The following ADA2 variants were observed in gnomAD, a reference collection of about 807,000 sequenced individuals.
ADA2 encodes the protein adenosine deaminase 2, also known as adenosine deaminase CECR1.
ADA2 carries 29 observed loss-of-function variants against 44.2 expected under a neutral mutation model. The observed-to-expected ratio is 0.66, with a 90% CI of 0.49 to 0.89. The LOEUF (loss-of-function observed/expected upper bound fraction) is 0.89. ADA2 is among the 40% of genes least tolerant of loss of function. ADA2 has a pLI of 0.00. For synonymous variants in ADA2, 215 were observed against 234.9 expected (o/e 0.92, Z 0.77); for missense variants, 637 against 644.8 (o/e 0.99, Z 0.13).
At chr22:17,206,473 G>A (rs1259841321) in intron 3 of ADA2, among the ~76,000 whole-genome samples, 1 of 151,980 alleles carries the variant, frequency 6.6e-6, no homozygotes, top group Non-Finnish European at 1.5e-5. Flanking sequence ...GCAAGACCCT[G>A]TCTCAAATAA....
At chr22:17,192,999 C>T (rs939276506) in intron 4 of ADA2, 6 of 635,948 alleles carry the variant, frequency 9.4e-6, no homozygotes, top group East Asian at 3.0e-5. Flanking sequence ...CAAAATTAAC[C>T]GTAACTGGCG....
At chr22:17,184,114 C>T (rs1470933644) in intron 7 of ADA2, among the ~76,000 whole-genome samples, 1 of 151,304 alleles carries the variant, frequency 6.6e-6, no homozygotes, top group Non-Finnish European at 1.5e-5. Context: ...CGCCCGCCAC[C>T]ACACCCAGCT....
chr22:17,208,838 A>ATTTTTTTTTTTTTTTTTTTTTTTTTT (rs796662081), intron 2 of ADA2, among the ~76,000 whole-genome samples: 1 of 142,910 alleles, frequency 7.0e-6, no homozygotes, highest in African/African-American at 2.6e-5. Flanking sequence ...AAAAATTAAC[A>ATTTTTTTTTTTTTTTTTTTTTTTTTT]TTTTTTGGGG....
upstream of ADA2, among the ~76,000 whole-genome samples, chr22:17,221,295 GT>G (rs5844299): frequency 0.41 from 62,116 of 151,494 alleles, 13,387 homozygotes; most frequent in East Asian, 0.76. Flanking sequence ...TTTTTTGTGG[GT>G]TTTTTTTATA....
At chr22:17,188,247 C>T (rs1279544324) in intron 7 of ADA2, 92 bp downstream of exon 7, 13 of 852,738 alleles carry the variant, frequency 1.5e-5, no homozygotes, top group Middle Eastern at 3.2e-4. Context: ...TCTGGAAACG[C>T]CTGTAGGCTC....
At chr22:17,215,605 C>CA (rs759504282) in intron 1 of ADA2, among the ~76,000 whole-genome samples, 12,906 of 124,222 alleles carry the variant, frequency 0.1, 1,573 homozygotes, top group African/African-American at 0.31. Flanking sequence ...GACTCCGTCT[C>CA]AAAAAAAAAA....
chr22:17,195,129 T>C (rs1260697186), intron 4 of ADA2, among the ~76,000 whole-genome samples: 2 of 152,186 alleles, frequency 1.3e-5, no homozygotes, highest in Non-Finnish European at 2.9e-5. Context: ...TCTTCACAAT[T>C]TATTACCAGT....
At chr22:17,201,012 C>CT (rs2123692288) in intron 4 of ADA2, among the ~76,000 whole-genome samples, 1 of 152,080 alleles carries the variant, frequency 6.6e-6, no homozygotes, top group African/African-American at 2.4e-5. Context: ...GAGTTCAAGA[C>CT]TAACCTGGCC....
intron 7 of ADA2, among the ~76,000 whole-genome samples, chr22:17,183,955 CTTTTTTTT>C (rs33921509): frequency 2.5e-5 from 2 of 79,778 alleles, no homozygotes; most frequent in East Asian, 3.6e-4. Context: ...TCACACCTTT[CTTTTTTTT>C]TTTTTTTTTT....
chr22:17,208,867 C>T (rs999038915), intron 2 of ADA2, among the ~76,000 whole-genome samples: 2 of 149,418 alleles, frequency 1.3e-5, no homozygotes, highest in East Asian at 2.0e-4. Flanking sequence ...CTTGCTCTGT[C>T]GCCCAGGCTG....
At position 17,207,016 on chromosome 22, in the gene ADA2, C is replaced by T. The variant is rs2062359701; in HGVS notation, c.542+55G>A. 9 of 1,359,374 alleles carry T rather than the reference C, an allele frequency of 6.6e-6. No homozygotes were observed. The South Asian group carries it at 1.1e-4, about 17-fold the overall frequency. The allele number at this position is 1,359,374 out of a possible 1,614,324, so 84.2% of individuals were successfully genotyped here. On this transcript the variant is annotated intron_variant, in intron 3 of 9. Coordinates refer to ENST00000399837, the MANE Select transcript of ADA2 (RefSeq NM_001282225.2). ...AGGTTTGTACCAAGGGAGACACCTA[C>T]CCACTGCCACCCCATGACAGGCCTG...
At chr22:17,213,684 AC>A in intron 1 of ADA2, 1 of 250,052 alleles carries the variant, frequency 4.0e-6, no homozygotes. Flanking sequence ...GGACAAGTGG[AC>A]CCCGGCCCGC....
intron 4 of ADA2, among the ~76,000 whole-genome samples, chr22:17,196,323 CAAAAAAA>C (rs34561761): frequency 3.5e-5 from 3 of 86,886 alleles, no homozygotes; most frequent in African/African-American, 1.6e-4. Flanking sequence ...AACTCCATCC[CAAAAAAA>C]AAAAAAAAAA....
At chr22:17,205,502 G>C (rs2062344515) in intron 3 of ADA2, among the ~76,000 whole-genome samples, 1 of 152,172 alleles carries the variant, frequency 6.6e-6, no homozygotes, top group Non-Finnish European at 1.5e-5. Context: ...GAGTGGAATG[G>C]AAATAACTCG....
upstream of ADA2, among the ~76,000 whole-genome samples, chr22:17,221,202 C>T (rs1298212041): frequency 4.0e-5 from 6 of 151,722 alleles, no homozygotes; most frequent in African/African-American, 4.8e-5. Flanking sequence ...CAGAATGCAC[C>T]GCAAGTAATA....
At chr22:17,187,976 T>C (rs1018384655) in intron 7 of ADA2, among the ~76,000 whole-genome samples, 3 of 148,650 alleles carry the variant, frequency 2.0e-5, no homozygotes, top group African/African-American at 7.5e-5. Context: ...TGGTGGCAGG[T>C]GCCTGTAGTA....
At chr22:17,206,457 G>A (rs556394762) in intron 3 of ADA2, among the ~76,000 whole-genome samples, 95 of 152,144 alleles carry the variant, frequency 6.2e-4, no homozygotes, top group Non-Finnish European at 1.0e-3. Flanking sequence ...CAACCTGGGT[G>A]ACAGAGCAAG....
intron 4 of ADA2, 95 bp downstream of exon 4, chr22:17,203,468 G>A: frequency 1.0e-6 from 1 of 968,936 alleles, no homozygotes; most frequent in South Asian, 1.4e-5. Context: ...AGACCTGAGT[G>A]GTCAATTCAT....
chr22:17,181,226 AGAG>A lies in ADA2; in HGVS notation c.*254_*256del, dbSNP rs1274813135. The A allele has an allele frequency of 1.1e-5, 5 of 441,392 alleles. No individual in the cohort carries two copies. Among genetic ancestry groups the A allele is most frequent in the East Asian group, 9.1e-5 (2 of 22,074 alleles). The allele number at this position is 441,392 out of a possible 1,614,324, so 27.3% of individuals were successfully genotyped here. On this transcript the variant is annotated 3_prime_UTR_variant, in exon 10 of 10. Transcript: ENST00000399837. ...TGAGGAAACAGCACAGAGATCAGAG[AGAG>A]GAGAAGACTCTGAAATAGGGAAACT...
Sources: gnomAD v4.1 joint callset for allele counts (sites outside exome capture counted in the v4.1 genomes callset) on GRCh38, gnomAD v4.1.1 for gene constraint, MANE v1.5 for transcripts, NCBI Gene and HGNC (gene_info 2026-07-23, HGNC 2026-07-21) for gene names.